The following PCNX4 variants were observed in gnomAD, a reference collection of about 807,000 sequenced individuals.
PCNX4 encodes pecanex-like protein 4.
A neutral mutation model predicts 107.2 loss-of-function variants in PCNX4; 103 were observed. The observed-to-expected ratio is 0.96, with a 90% CI of 0.82 to 1.13. The LOEUF (loss-of-function observed/expected upper bound fraction) is 1.13, where lower values mean the gene tolerates loss of function less well. PCNX4 is among the 50% of genes most tolerant of loss of function. The pLI is 0.00. For synonymous variants in PCNX4, 541 were observed against 481.7 expected, an observed-to-expected ratio of 1.12 and a Z score of -1.61; for missense variants, 1,528 against 1,379.4, an observed-to-expected ratio of 1.11 and a Z score of -1.71.
chr14:60,122,790 A>ATGTTT (rs776518662), intron 8 of PCNX4, among the ~76,000 whole-genome samples: 26 of 152,170 alleles, frequency 1.7e-4, no homozygotes, highest in South Asian at 1.0e-3. Context: ...CCTTTAACAA[A>ATGTTT]TGTTTTGTTT....
rs990613633 is a variant in PCNX4, at chr14:60,148,070, T to G, written c.*13849T>G. ...TGGTAGAAAACGAAAAGCTCCTTTT[T>G]GATTTTTCACACTCTGGACATTTTA... On this transcript the variant is annotated 3_prime_UTR_variant, in exon 11 of 11. Coordinates refer to ENST00000406854, the MANE Select transcript of PCNX4 (RefSeq NM_001330177.2). The surrounding 1 kb of genome is among the most constrained non-coding windows in gnomAD (Gnocchi z 4.8). 1.6e-4 allele frequency: 25 copies of G among 152,358 alleles called. No individual in the cohort carries two copies. The highest frequency in any genetic ancestry group is 5.8e-4 in the African/African-American group (24 of 41,584). 9.4% of individuals were successfully genotyped at this position (152,358 alleles called of 1,614,324 possible).
chr14:60,095,839 A>G (rs1191741909), intron 1 of PCNX4, among the ~76,000 whole-genome samples: 1 of 152,056 alleles, frequency 6.6e-6, no homozygotes, highest in Non-Finnish European at 1.5e-5. Context: ...GAAAGGAAAA[A>G]AAAAGAAAAA....
intron 10 of PCNX4, among the ~76,000 whole-genome samples, chr14:60,128,644 A>G (rs1183646748): frequency 1.3e-5 from 2 of 152,238 alleles, no homozygotes; most frequent in African/African-American, 2.4e-5. Flanking sequence ...AAATTCACAC[A>G]CAAAAACAAA....
Position 60,121,304 on chromosome 14 carries a change from G to A in PCNX4, c.2046+5G>A. On this transcript the variant is annotated splice_donor_5th_base_variant and intron_variant, in intron 8 of 10. Coordinates refer to ENST00000406854, the MANE Select transcript of PCNX4 (RefSeq NM_001330177.2). ...TACTGCTCTATTAACATTAAGGTCA[G>A]TGTGCATATAAAACATCTGTAGTAT... 1 of 1,606,476 alleles carries A rather than the reference G, an allele frequency of 6.2e-7. No individual in the cohort carries two copies. The highest frequency in any genetic ancestry group is 8.5e-7 in the Non-Finnish European group (1 of 1,176,718).
Position 60,118,510 on chromosome 14 carries a change from C to G in PCNX4, c.1760C>G (p.Ser587Cys). ...ATCATAGTTTTTTCTACACTACTCT[C>G]TTCTCCCTTACTCCCTCTTTTCACC... ...LVIIVFSTLL[S>C]SPLLPLFTLP... Residue 587 changes from serine (S) to cysteine (C), a missense_variant, in exon 7 of 11, where the codon TCT (serine) becomes TGT (cysteine). By Grantham distance (112) the Ser-to-Cys change is moderately radical (BLOSUM62 -1). Coordinates refer to ENST00000406854, the MANE Select transcript of PCNX4 (RefSeq NM_001330177.2). 6.2e-7 allele frequency: 1 copy of G among 1,613,796 alleles called. No homozygotes were observed. The highest frequency in any genetic ancestry group is 1.7e-5 in the Admixed American group (1 of 59,900).
rs1034185900 is a variant in PCNX4 at position 60,136,266 on chromosome 14, A to G, written c.*2045A>G. 1.3e-5 allele frequency: 2 copies of G among 152,054 alleles called. No homozygotes were observed. The highest frequency in any genetic ancestry group is 2.4e-5 in the African/African-American group (1 of 41,404). The allele number at this position is 152,054 out of a possible 1,614,324, so 9.4% of individuals were successfully genotyped here. The stretch of plus-strand genomic sequence containing the variant: ...ATCTTTGTTTTCTTCTTATCTTCCT[A>G]GCAACTCCTCAAACATCTTTGCTGC... On this transcript the variant is annotated 3_prime_UTR_variant, in exon 11 of 11. Transcript: ENST00000406854.
Position 60,125,073 on chromosome 14 carries a change from A to T in PCNX4, c.2902A>T (p.Lys968Ter). ...AGAAATTGCCAAGGACAAAGTTTTA[A>T]AAGACTTTTATGTTCATACAGTAAT... ...LEEIAKDKVLKDFYVHTVMTC... is the reference protein window; with the variant it reads ...LEEIAKDKVL The change falls in exon 9 of 11, where the codon AAA (lysine) becomes TAA (stop). Residue 968 changes from lysine (K) to a stop codon, truncating the protein, a stop_gained. Coordinates refer to ENST00000406854, the MANE Select transcript of PCNX4 (RefSeq NM_001330177.2). LOFTEE classifies it high-confidence loss of function. The T allele has an allele frequency of 6.2e-7, 1 of 1,613,554 alleles. No individual in the cohort carries two copies. Among genetic ancestry groups the T allele is most frequent in the Non-Finnish European group, 8.5e-7 (1 of 1,179,702 alleles).
intron 1 of PCNX4, among the ~76,000 whole-genome samples, chr14:60,106,489 A>T (rs1386552971): frequency 6.6e-6 from 1 of 152,216 alleles, no homozygotes; most frequent in Non-Finnish European, 1.5e-5. Flanking sequence ...ACCCACAGAC[A>T]CGGAGGGCCA....
chr14:60,121,740 T>C (rs1895959624), intron 8 of PCNX4, among the ~76,000 whole-genome samples: 1 of 152,110 alleles, frequency 6.6e-6, no homozygotes, highest in Admixed American at 6.6e-5. Context: ...CCAATTTAAT[T>C]TCTTTCATTC....
At chr14:60,098,719 A>AC (rs1895474016) in intron 1 of PCNX4, among the ~76,000 whole-genome samples, 1 of 152,048 alleles carries the variant, frequency 6.6e-6, no homozygotes, top group African/African-American at 2.4e-5. Context: ...CGGGTGGATC[A>AC]CCTGAGTTCA....
In PCNX4 at chr14:60,144,840, C is replaced by A; in HGVS notation, c.*10619C>A. ...TTTTTATTTCATTCCATGTTGGAAG[C>A]AAAGTCATATCTATTAAAAAGTAAA... On this transcript the variant is annotated 3_prime_UTR_variant, in exon 11 of 11. Coordinates refer to ENST00000406854, the MANE Select transcript of PCNX4 (RefSeq NM_001330177.2). 1 of 802,912 alleles carries A rather than the reference C, an allele frequency of 1.2e-6. No homozygotes were observed. The highest frequency in any genetic ancestry group is 2.1e-6 in the Non-Finnish European group (1 of 478,982). The allele number at this position is 802,912 out of a possible 1,614,324, so 49.7% of individuals were successfully genotyped here. A position where few individuals can be genotyped will look rare whatever the true frequency, so the allele number is the denominator to read the frequency against.
At chr14:60,098,710 G>T (rs1395888187) in intron 1 of PCNX4, among the ~76,000 whole-genome samples, 2 of 152,006 alleles carry the variant, frequency 1.3e-5, no homozygotes, top group African/African-American at 4.8e-5. Flanking sequence ...AGGATGAGGC[G>T]GGTGGATCAC....
chr14:60,108,320 GCA>G lies in PCNX4; in HGVS notation c.687_688del (p.His229GlnfsTer102), dbSNP rs552882991. The G allele has an allele frequency of 5.0e-6, 8 of 1,602,260 alleles. No homozygotes were observed. The highest frequency in any genetic ancestry group is 1.7e-5 in the Admixed American group (1 of 58,896). ...YIFFFVSVDL[A>X]HRFVVNMPAL... ...TTTTTTCTTTGTTTCTGTGGATCTGGCACACAGGTAAAAACCTACCAAATACT... is the reference window on the plus strand; with the variant it reads ...TTTTTTCTTTGTTTCTGTGGATCTGGCACAGGTAAAAACCTACCAAATACT... On this transcript the variant is annotated frameshift_variant, in exon 2 of 11. Transcript: ENST00000406854. LOFTEE classifies it high-confidence loss of function.
chr14:60,099,945 G>A (rs924989222), intron 1 of PCNX4, among the ~76,000 whole-genome samples: 4 of 151,926 alleles, frequency 2.6e-5, no homozygotes, highest in South Asian at 2.1e-4. Context: ...CATACCTTTC[G>A]TCCCGGCTAC....
chr14:60,092,237 A>C lies in PCNX4; in HGVS notation c.-236A>C, dbSNP rs1293767338. 1.3e-5 allele frequency: 2 copies of C among 152,248 alleles called. No individual in the cohort carries two copies. Among genetic ancestry groups the C allele is most frequent in the African/African-American group, 4.8e-5 (2 of 41,464 alleles). The allele number at this position is 152,248 out of a possible 1,614,324, so 9.4% of individuals were successfully genotyped here. On this transcript the variant is annotated 5_prime_UTR_variant, in exon 1 of 11. An upstream start codon of the reference 5' UTR is lost. Transcript: ENST00000406854. ...GCGGCCGCCGGAGTAGACGTTAGCC[A>C]TGGAAACCGAGAGCTGGCCCGGGCG...
chr14:60,130,149 G>A (rs1466083865), intron 10 of PCNX4, among the ~76,000 whole-genome samples: 1 of 151,854 alleles, frequency 6.6e-6, no homozygotes, highest in Non-Finnish European at 1.5e-5. Context: ...ACTAGCCTGG[G>A]CAACATAGTA....
intron 1 of PCNX4, among the ~76,000 whole-genome samples, chr14:60,099,123 A>G (rs1413764521): frequency 6.6e-6 from 1 of 152,176 alleles, no homozygotes; most frequent in Non-Finnish European, 1.5e-5. Context: ...TCATGTATGC[A>G]TACTTTTTAG....
intron 10 of PCNX4, among the ~76,000 whole-genome samples, chr14:60,127,913 G>C (rs959067692): frequency 2.6e-5 from 4 of 152,098 alleles, no homozygotes; most frequent in Non-Finnish European, 4.4e-5. Context: ...ATCAAATAGA[G>C]AATGTATGTA....
intron 8 of PCNX4, among the ~76,000 whole-genome samples, chr14:60,122,848 C>A (rs76857848): frequency 6.6e-6 from 1 of 152,184 alleles, no homozygotes; most frequent in East Asian, 1.9e-4. Context: ...TGTACTAGCA[C>A]AGATTGGATA....
Sources: gnomAD v4.1 joint callset for allele counts (sites outside exome capture counted in the v4.1 genomes callset) on GRCh38, gnomAD v4.1.1 for gene constraint, Gnocchi (gnomAD v3.1) non-coding constraint, MANE v1.5 for transcripts, NCBI Gene and HGNC (gene_info 2026-07-23, HGNC 2026-07-21) for gene names.